The following ZSCAN5A variants were observed in gnomAD, a reference collection of about 807,000 sequenced individuals.
The protein encoded by ZSCAN5A is zinc finger and SCAN domain-containing protein 5A.
Under a neutral mutation model 23.7 loss-of-function variants are expected in ZSCAN5A, and 12 were observed. That is an observed-to-expected ratio of 0.51 (90% CI 0.32 to 0.82). ZSCAN5A has a LOEUF of 0.82. Ranked by LOEUF, ZSCAN5A falls within the 40% of genes least tolerant of loss-of-function variation. The pLI, the probability that ZSCAN5A is intolerant of heterozygous loss-of-function variation, is 0.03. For synonymous variants in ZSCAN5A, 257 were observed against 239.9 expected (o/e 1.07, Z -0.66); for missense variants, 597 against 617.9 (o/e 0.97, Z 0.36).
rs554378645 is a variant in ZSCAN5A, at chr19:56,233,803, G to A, written c.-127-8630C>T. On this transcript the variant is annotated intron_variant, in intron 2 of 5. Coordinates refer to ENST00000683990, the MANE Select transcript of ZSCAN5A (RefSeq NM_001322064.3). ...CATGTGTGTTAACAGTCCCAGTTCA[G>A]ATGTGCAGTGTTTCAAGTGGATGCA... Among the ~76,000 whole-genome samples the A allele has an allele frequency of 2.0e-5, 3 of 152,128 alleles. No homozygotes were observed. The South Asian group carries it at 6.2e-4, about 32-fold the overall frequency.
chr19:56,243,527 T>C (rs1169629845), intron 2 of ZSCAN5A, among the ~76,000 whole-genome samples: 1 of 152,238 alleles, frequency 6.6e-6, no homozygotes, highest in Non-Finnish European at 1.5e-5. Flanking sequence ...TATTTTTCTC[T>C]ATCTTTGTGC....
intron 2 of ZSCAN5A, among the ~76,000 whole-genome samples, chr19:56,359,072 C>T (rs2147466955): frequency 6.6e-6 from 1 of 151,496 alleles, no homozygotes; most frequent in East Asian, 1.9e-4. Flanking sequence ...AATAACCAAG[C>T]ACAGAGCACA....
chr19:56,321,733 A>C (rs1268797406), intron 2 of ZSCAN5A: 2 of 1,367,590 alleles, frequency 1.5e-6, no homozygotes, highest in African/African-American at 2.9e-5. Flanking sequence ...TGCTGAGGAC[A>C]TAACTGCTTT....
chr19:56,313,693 A>T (rs926678349), intron 1 of ZSCAN5A, among the ~76,000 whole-genome samples: 1 of 152,228 alleles, frequency 6.6e-6, no homozygotes, highest in East Asian at 1.9e-4. Context: ...TTATATGTCC[A>T]GGTGCTTGAT....
intron 2 of ZSCAN5A, among the ~76,000 whole-genome samples, chr19:56,327,761 T>C (rs1388264991): frequency 6.6e-6 from 1 of 151,744 alleles, no homozygotes; most frequent in African/African-American, 2.4e-5. Flanking sequence ...ATGTAATCTA[T>C]TTTGTTTTTA....
intron 2 of ZSCAN5A, chr19:56,244,255 G>A: frequency 6.2e-7 from 1 of 1,605,018 alleles, no homozygotes; most frequent in East Asian, 2.2e-5. Flanking sequence ...TGTGCCATCT[G>A]TGGCTGAGGC....
chr19:56,307,367 C>A (rs1446488169), intron 2 of ZSCAN5A, among the ~76,000 whole-genome samples: 2 of 152,210 alleles, frequency 1.3e-5, no homozygotes, highest in African/African-American at 2.4e-5. Context: ...TGATGAGTGT[C>A]TTTCAAACTT....
At chr19:56,302,543 C>CTCCCTCCCCCCTTCCTTT (rs1568726099) in intron 2 of ZSCAN5A, among the ~76,000 whole-genome samples, 1 of 52,782 alleles carries the variant, frequency 1.9e-5, no homozygotes, top group Non-Finnish European at 4.3e-5. Flanking sequence ...TTCTTCCTCC[C>CTCCCTCCCCCCTTCCTTT]CGTTCCTCCC....
At chr19:56,319,586 G>A (rs1473399780), upstream of ZSCAN5A, among the ~76,000 whole-genome samples, 3 of 150,228 alleles carry the variant, frequency 2.0e-5, no homozygotes, top group East Asian at 4.0e-4. Context: ...ATTTCCAAAC[G>A]AGTCTCTGGG....
Position 56,221,936 on chromosome 19 carries a change from G to A in ZSCAN5A, c.1130C>T (p.Ser377Leu). ...CNSKLVIHKR[S>L]HTGERLFQCN... ...TTGAAAGAGTCTCTCGCCTGTGTGT[G>A]ATCTCTTGTGGATGACTAGCTTGGA... Residue 377 changes from serine (S) to leucine (L), a missense_variant, in exon 6 of 6, where the codon TCA (serine) becomes TTA (leucine). By Grantham distance (145) the Ser-to-Leu change is moderately radical. Around this residue, in one of 5 missense-constraint regions of ZSCAN5A, gnomAD observed 406 missense variants for 353.2 expected, o/e 1.15. Transcript: ENST00000683990. The A allele has an allele frequency of 6.2e-7, 1 of 1,614,138 alleles. No homozygotes were observed.
intron 2 of ZSCAN5A, among the ~76,000 whole-genome samples, chr19:56,227,854 G>A (rs997239043): frequency 1.3e-5 from 2 of 151,974 alleles, no homozygotes; most frequent in South Asian, 4.2e-4. Context: ...AGGAGTTCAG[G>A]ACCAGCCTGA....
rs562740385 is a variant in ZSCAN5A at position 56,264,120 on chromosome 19, A to C, written c.-127-38947T>G. Among the ~76,000 whole-genome samples the C allele has an allele frequency of 4.6e-5, 7 of 152,200 alleles. No individual in the cohort carries two copies. In the East Asian group the frequency reaches 1.4e-3, roughly 29 times the overall value. On this transcript the variant is annotated intron_variant, in intron 2 of 5. Transcript: ENST00000683990. ...GCAACTCTCCTGCCTCAGCCTCCTG[A>C]GTAGCTGGGATTGCAGGCACCCGCC...
At chr19:56,230,122 AT>A (rs1465812349) in intron 2 of ZSCAN5A, among the ~76,000 whole-genome samples, 8 of 151,926 alleles carry the variant, frequency 5.3e-5, no homozygotes, top group Non-Finnish European at 1.2e-4. Context: ...TATTATTATT[AT>A]TATTTTGAGA....
At chr19:56,245,347 T>G in intron 2 of ZSCAN5A, 2 of 751,696 alleles carry the variant, frequency 2.7e-6, no homozygotes, top group Non-Finnish European at 4.9e-6. Context: ...CCTCTGTGAA[T>G]GAGATGCGTC....
chr19:56,252,697 G>A (rs1045726090), intron 2 of ZSCAN5A, among the ~76,000 whole-genome samples: 2 of 152,230 alleles, frequency 1.3e-5, no homozygotes, highest in Admixed American at 6.5e-5. Context: ...CCCAAGGAAA[G>A]AGCAAGTCAA....
At chr19:56,283,791 C>T (rs2038895270) in intron 2 of ZSCAN5A, 1 of 152,242 alleles carries the variant, frequency 6.6e-6, no homozygotes, top group Non-Finnish European at 1.5e-5. Context: ...AACATAGGGA[C>T]AATATCTGAT....
intron 2 of ZSCAN5A, chr19:56,340,673 A>C (rs1422871425): frequency 1.3e-5 from 2 of 152,162 alleles, no homozygotes; most frequent in African/African-American, 4.8e-5. Context: ...ATGATGGCAA[A>C]ATTATACTTA....
chr19:56,328,863 C>T (rs924848336), intron 2 of ZSCAN5A, among the ~76,000 whole-genome samples: 8 of 150,846 alleles, frequency 5.3e-5, no homozygotes, highest in Non-Finnish European at 1.5e-5. Context: ...GGCATGGTGG[C>T]GGGCATCTGT....
intron 2 of ZSCAN5A, chr19:56,321,189 A>G: frequency 1.5e-6 from 1 of 661,794 alleles, no homozygotes; most frequent in East Asian, 3.1e-5. Flanking sequence ...TGCTTCATTC[A>G]AAATGAAGTT....
Sources: gnomAD v4.1 joint callset for allele counts (sites outside exome capture counted in the v4.1 genomes callset) on GRCh38, gnomAD v4.1.1 for gene constraint, gnomAD v4.1.1 regional missense constraint, MANE v1.5 for transcripts, NCBI Gene and HGNC (gene_info 2026-07-23, HGNC 2026-07-21) for gene names.